The following CCNY variants were observed in gnomAD, a reference collection of about 807,000 sequenced individuals.
CCNY encodes cyclin Y.
Under a neutral mutation model 42.8 loss-of-function variants are expected in CCNY, and 19 were observed. That is an observed-to-expected ratio of 0.44 (90% CI 0.31 to 0.65). The LOEUF (loss-of-function observed/expected upper bound fraction) is 0.65. Among genes scored for constraint, CCNY ranks in the 30% least tolerant of loss-of-function variants. CCNY has a pLI of 0.07. For missense variants in CCNY, 370 were observed against 437.3 expected, an observed-to-expected ratio of 0.85 and a Z score of 1.37; for synonymous variants, 165 against 162.7, an observed-to-expected ratio of 1.01 and a Z score of -0.11.
At position 35,512,804 on chromosome 10, in the gene CCNY, G is replaced by C. The variant is rs1248695549; in HGVS notation, c.265-3719G>C. Reference sequence around the variant, plus strand: ...CCTGTGGGGAGCTCAGCATGGTGATGGGTGGAGGATTTGAGGAGGTGTCGC... The same window carrying C: ...CCTGTGGGGAGCTCAGCATGGTGATCGGTGGAGGATTTGAGGAGGTGTCGC... On this transcript the variant is annotated intron_variant, in intron 3 of 9. Coordinates refer to ENST00000374704, the MANE Select transcript of CCNY (RefSeq NM_145012.6). Among the ~76,000 whole-genome samples the C allele has an allele frequency of 2.0e-5, 3 of 152,076 alleles. No individual in the cohort carries two copies. The East Asian group carries it at 5.8e-4, about 29-fold the overall frequency.
At position 35,516,546 on chromosome 10, in the gene CCNY, G is replaced by T; in HGVS notation, c.288G>T (p.Arg96Ser). 1 of 1,612,870 alleles carries T rather than the reference G, an allele frequency of 6.2e-7. No individual in the cohort carries two copies. Among genetic ancestry groups the T allele is most frequent in the South Asian group, 1.1e-5 (1 of 91,034 alleles). Residue 96 changes from arginine (R) to serine (S), a missense_variant, in exon 4 of 10, where the codon AGG (arginine) becomes AGT (serine). Coordinates refer to ENST00000374704, the MANE Select transcript of CCNY (RefSeq NM_145012.6). The stretch of plus-strand genomic sequence containing the variant: ...AGCATCCTCCAGGACAAATAGCAAG[G>T]AAATACAGTTCCTGCTCCACCATTT... ...INHHPPGQIA[R>S]KYSSCSTIFL... is the part of the protein sequence containing the mutation.
At chr10:35,259,994 G>A (rs1372234613) in intron 3 of CCNY, among the ~76,000 whole-genome samples, 1 of 151,762 alleles carries the variant, frequency 6.6e-6, no homozygotes, top group African/African-American at 2.4e-5. Flanking sequence ...AATGTCCCAG[G>A]AAGAAAGCAA....
intron 1 of CCNY, among the ~76,000 whole-genome samples, chr10:35,438,064 C>T (rs547436599): frequency 5.3e-5 from 8 of 152,068 alleles, no homozygotes; most frequent in African/African-American, 1.7e-4. Flanking sequence ...TCTCTGCATG[C>T]GTATTTATCA....
chr10:35,287,671 CTTTT>C (rs1255432944), intron 3 of CCNY, among the ~76,000 whole-genome samples: 1 of 152,022 alleles, frequency 6.6e-6, no homozygotes, highest in African/African-American at 2.4e-5. Flanking sequence ...TAGTTCATTT[CTTTT>C]TTTACTGACT....
At chr10:35,478,992 A>C (rs1034022162) in intron 1 of CCNY, among the ~76,000 whole-genome samples, 14 of 152,110 alleles carry the variant, frequency 9.2e-5, no homozygotes, top group African/African-American at 3.4e-4. Flanking sequence ...GCAGCCAAAA[A>C]ACACGTGAAA....
chr10:35,336,240 C>T (rs1403417398), upstream of CCNY: 1 of 151,974 alleles, frequency 6.6e-6, no homozygotes, highest in African/African-American at 2.4e-5. Flanking sequence ...GCGCTGGGCC[C>T]CGTTCCGTCC....
At chr10:35,341,250 C>T (rs370443720) in intron 1 of CCNY, among the ~76,000 whole-genome samples, 5 of 152,262 alleles carry the variant, frequency 3.3e-5, no homozygotes, top group African/African-American at 4.8e-5. Context: ...ACTTCCACCC[C>T]GTTCTCTCCC....
chr10:35,466,570 C>T (rs1839274266), intron 1 of CCNY, among the ~76,000 whole-genome samples: 1 of 152,154 alleles, frequency 6.6e-6, no homozygotes, highest in Non-Finnish European at 1.5e-5. Flanking sequence ...AAGCCTCACA[C>T]AGAAGGGAAC....
rs144595446 is a variant in CCNY, at chr10:35,502,935, G to C, written c.264+1400G>C. 3.4e-3 allele frequency among the ~76,000 whole-genome samples: 511 copies of C among 152,284 alleles called. 5 individuals are homozygous for C. In the Middle Eastern group the frequency reaches 0.058, roughly 17 times the overall value. ...AGGAGAAGAGCTGGAACTGCATCCA[G>C]GCCATCTTTCCTGTTCACTGCAGCT... On this transcript the variant is annotated intron_variant, in intron 3 of 9. Coordinates refer to ENST00000374704, the MANE Select transcript of CCNY (RefSeq NM_145012.6).
chr10:35,479,293 A>T (rs1422399347), intron 1 of CCNY, among the ~76,000 whole-genome samples: 2 of 151,858 alleles, frequency 1.3e-5, no homozygotes, highest in Non-Finnish European at 2.9e-5. Flanking sequence ...GCTGCTATAA[A>T]GGCACATGCA....
At chr10:35,547,242 CT>C (rs1032575115) in intron 7 of CCNY, among the ~76,000 whole-genome samples, 5 of 152,178 alleles carry the variant, frequency 3.3e-5, no homozygotes, top group African/African-American at 1.2e-4. Flanking sequence ...CTTATTCTTT[CT>C]GTTCAAACTT....
chr10:35,509,735 C>T (rs1035170826), intron 3 of CCNY, among the ~76,000 whole-genome samples: 8 of 152,220 alleles, frequency 5.3e-5, no homozygotes, highest in African/African-American at 1.9e-4. Flanking sequence ...AGCCGGGTGC[C>T]TTCCCCGCAT....
chr10:35,398,056 T>C (rs1837563065), intron 1 of CCNY, among the ~76,000 whole-genome samples: 1 of 152,020 alleles, frequency 6.6e-6, no homozygotes, highest in South Asian at 2.1e-4. Flanking sequence ...GGAGTGGGCA[T>C]GGATGGAGGC....
chr10:35,365,086 A>G (rs1430740476), intron 1 of CCNY, among the ~76,000 whole-genome samples: 1 of 152,230 alleles, frequency 6.6e-6, no homozygotes, highest in Non-Finnish European at 1.5e-5. Context: ...AGATTTCTAT[A>G]ACTGGGCTCC....
intron 4 of CCNY, among the ~76,000 whole-genome samples, chr10:35,516,915 C>T (rs776722733): frequency 1.3e-5 from 2 of 152,042 alleles, no homozygotes; most frequent in African/African-American, 2.4e-5. Context: ...ATGTAGATTA[C>T]TTAAAATATA....
At chr10:35,406,848 C>T (rs917207207) in intron 1 of CCNY, among the ~76,000 whole-genome samples, 8 of 151,658 alleles carry the variant, frequency 5.3e-5, no homozygotes, top group South Asian at 2.1e-4. Flanking sequence ...GGCGGCTGGC[C>T]GGGCGGGGGG....
intron 1 of CCNY, among the ~76,000 whole-genome samples, chr10:35,444,816 A>T (rs772158784): frequency 3.9e-5 from 6 of 152,176 alleles, no homozygotes; most frequent in Non-Finnish European, 7.4e-5. Context: ...TGGAGAATGG[A>T]TGTAGGGGTG....
At chr10:35,379,297 T>TG (rs1452881789) in intron 1 of CCNY, among the ~76,000 whole-genome samples, 2 of 152,170 alleles carry the variant, frequency 1.3e-5, no homozygotes, top group African/African-American at 4.8e-5. Context: ...CCTGCCCCCC[T>TG]GGACCTGGAT....
intron 1 of CCNY, among the ~76,000 whole-genome samples, chr10:35,416,160 CG>C (rs1838019484): frequency 6.9e-6 from 1 of 144,500 alleles, no homozygotes; most frequent in Non-Finnish European, 1.5e-5. Flanking sequence ...TTGTGGCACC[CG>C]TGTGTGTGTG....
Sources: allele counts gnomAD v4.1 joint callset (sites outside exome capture counted in the v4.1 genomes callset), GRCh38; gene constraint gnomAD v4.1.1; transcripts MANE v1.5; gene names NCBI Gene and HGNC (gene_info 2026-07-23, HGNC 2026-07-21).